NDUFA9: variants seen among roughly 807,000 people sequenced by gnomAD.
NDUFA9 encodes the protein NADH:ubiquinone oxidoreductase subunit A9, also known as NADH dehydrogenase [ubiquinone] 1 alpha subcomplex subunit 9, mitochondrial.
Under a neutral mutation model 45.9 loss-of-function variants are expected in NDUFA9, and 23 were observed. The observed-to-expected ratio is 0.50, with a 90% CI of 0.36 to 0.71. The LOEUF is 0.71. NDUFA9 is among the 30% of genes least tolerant of loss of function. The probability of loss-of-function intolerance (pLI) is 0.00; values close to 1 mark genes in which losing one functional copy is unlikely to be tolerated. For missense variants in NDUFA9, 466 were observed against 488.2 expected, an observed-to-expected ratio of 0.95 and a Z score of 0.43; for synonymous variants, 176 against 170.5, an observed-to-expected ratio of 1.03 and a Z score of -0.25.
intron 2 of NDUFA9, 47 bp downstream of exon 2, chr12:4,654,509 G>T (rs745501996): frequency 6.3e-6 from 10 of 1,589,036 alleles, no homozygotes; most frequent in African/African-American, 5.4e-5. Context: ...CATTGATCAG[G>T]ATTGCCTGAT....
chr12:4,654,983 A>G, intron 3 of NDUFA9, 61 bp downstream of exon 3: 4 of 1,312,814 alleles, frequency 3.0e-6, no homozygotes, highest in South Asian at 2.5e-5. Flanking sequence ...CATTTTTAGG[A>G]GTGATAGGCA....
At chr12:4,685,718 C>T (rs932749278) in intron 10 of NDUFA9, among the ~76,000 whole-genome samples, 1 of 151,394 alleles carries the variant, frequency 6.6e-6, no homozygotes, top group Non-Finnish European at 1.5e-5. Flanking sequence ...CTTTCTTTAA[C>T]CTACTCCAGT....
intron 3 of NDUFA9, among the ~76,000 whole-genome samples, chr12:4,656,487 G>A (rs976239993): frequency 5.9e-5 from 9 of 152,338 alleles, no homozygotes; most frequent in African/African-American, 2.2e-4. Flanking sequence ...ACGTTTGGAT[G>A]ACCAAGACCA....
At chr12:4,684,387 G>A (rs143923793) in intron 9 of NDUFA9, among the ~76,000 whole-genome samples, 23 of 152,306 alleles carry the variant, frequency 1.5e-4, no homozygotes, top group African/African-American at 5.1e-4. Flanking sequence ...AGTGATGGGT[G>A]ATACTCAACG....
Position 4,694,059 on chromosome 12 carries a change from C to A in NDUFA9, c.*6951C>A, listed in dbSNP as rs1292303096. The A allele has an allele frequency of 6.6e-6, 1 of 151,958 alleles. No individual in the cohort carries two copies. The highest frequency in any genetic ancestry group is 1.9e-4 in the East Asian group (1 of 5,196). 9.4% of individuals were successfully genotyped at this position (151,958 alleles called of 1,614,324 possible). ...TGGAATCTAGACTCTGGACAAAGAC[C>A]CTTCCTTCCTGGCTGTTTGATTTTG... On this transcript the variant is annotated 3_prime_UTR_variant, in exon 11 of 11. Coordinates refer to ENST00000266544, the MANE Select transcript of NDUFA9 (RefSeq NM_005002.5).
intron 6 of NDUFA9, among the ~76,000 whole-genome samples, chr12:4,665,242 C>G (rs913046192): frequency 5.9e-5 from 9 of 152,318 alleles, no homozygotes; most frequent in African/African-American, 2.2e-4. Flanking sequence ...AAACAACTCT[C>G]TGTTCCCTCC....
chr12:4,649,899 C>T (rs796579155), intron 1 of NDUFA9, among the ~76,000 whole-genome samples: 32 of 152,334 alleles, frequency 2.1e-4, no homozygotes, highest in African/African-American at 7.2e-4. Context: ...TGAAAACATA[C>T]ATTTGTCCTT....
Position 4,654,330 on chromosome 12 carries a change from G to A in NDUFA9, c.88G>A (p.Gly30Ser), listed in dbSNP as rs529503724. ...TGCAATAGCCACATCTGTGTGTCAC[G>A]GCCCACCCTGTCGCCAGCTTCATCA... ...ITAIATSVCH[G>S]PPCRQLHHAL... The change falls in exon 2 of 11, where the codon GGC becomes AGC. Residue 30 changes from glycine to serine, a missense_variant. Physicochemically the swap from Gly to Ser is moderately conservative, Grantham distance 56 (BLOSUM62 0). Coordinates refer to ENST00000266544, the MANE Select transcript of NDUFA9 (RefSeq NM_005002.5). The A allele has an allele frequency of 8.4e-5, 136 of 1,614,000 alleles. 2 individuals carry two copies. In the South Asian group the frequency reaches 1.3e-3, roughly 16 times the overall value.
chr12:4,666,304 T>C (rs1443357815), intron 6 of NDUFA9, among the ~76,000 whole-genome samples: 1 of 152,224 alleles, frequency 6.6e-6, no homozygotes, highest in Non-Finnish European at 1.5e-5. Context: ...ATCAGATATG[T>C]GATTTGTAAA....
chr12:4,676,819 C>T (rs911517721), intron 8 of NDUFA9, among the ~76,000 whole-genome samples: 14 of 152,090 alleles, frequency 9.2e-5, no homozygotes, highest in Admixed American at 7.9e-4. Flanking sequence ...TCATATGGAA[C>T]CAAAAAAGAG....
In NDUFA9 at chr12:4,690,785, G is replaced by C. The variant is rs1208004211; in HGVS notation, c.*3677G>C. On this transcript the variant is annotated 3_prime_UTR_variant, in exon 11 of 11. Coordinates refer to ENST00000266544, the MANE Select transcript of NDUFA9 (RefSeq NM_005002.5). ...TGGGAATATATGCAAAGATCTCTGAGAAGATAAAGAAAGGTCTCTGGAAGG... is the reference window on the plus strand; with the variant it reads ...TGGGAATATATGCAAAGATCTCTGACAAGATAAAGAAAGGTCTCTGGAAGG... The C allele has an allele frequency of 3.3e-5, 5 of 152,170 alleles. No homozygotes were observed. Among genetic ancestry groups the C allele is most frequent in the African/African-American group, 1.2e-4 (5 of 41,442 alleles). The allele number at this position is 152,170 out of a possible 1,614,324, so 9.4% of individuals were successfully genotyped here.
intron 3 of NDUFA9, chr12:4,655,891 A>C (rs1449879097): frequency 6.6e-6 from 1 of 152,180 alleles, no homozygotes; most frequent in African/African-American, 2.4e-5. Flanking sequence ...TATCCTACGG[A>C]GCACAGGACA....
Position 4,649,137 on chromosome 12 carries a change from C to T in NDUFA9, c.11C>T (p.Ala4Val). MAA[A>V]AQSRVVRVLS... ...GGATTGTGGGAAAAGATGGCGGCTG[C>T]CGCACAATCCCGGGTTGTCCGGGTC... is the stretch of plus-strand genomic sequence containing the variant. Residue 4 changes from alanine (A) to valine (V), a missense_variant, in exon 1 of 11, where the codon GCC becomes GTC. Ala to Val is a moderately conservative substitution (Grantham distance 64). Transcript: ENST00000266544. The T allele has an allele frequency of 1.2e-6, 2 of 1,604,220 alleles. No homozygotes were observed. Among genetic ancestry groups the T allele is most frequent in the Non-Finnish European group, 1.7e-6 (2 of 1,175,676 alleles).
chr12:4,668,557 A>T, intron 7 of NDUFA9, 33 bp downstream of exon 7: 1 of 1,539,726 alleles, frequency 6.5e-7, no homozygotes, highest in African/African-American at 1.4e-5. Flanking sequence ...TCAGAAAGGG[A>T]TTTTTGATGA....
At chr12:4,683,362 A>C (rs994571639) in intron 9 of NDUFA9, among the ~76,000 whole-genome samples, 1 of 152,202 alleles carries the variant, frequency 6.6e-6, no homozygotes, top group Non-Finnish European at 1.5e-5. Context: ...TTGTGCCACA[A>C]ACTGATCTTC....
chr12:4,672,164 AG>A, intron 8 of NDUFA9, among the ~76,000 whole-genome samples: 1 of 152,284 alleles, frequency 6.6e-6, no homozygotes, highest in Middle Eastern at 3.4e-3. Context: ...CTCCTAGCCA[AG>A]GGAAGCCATT....
At chr12:4,649,223 G>C in intron 1 of NDUFA9, 48 bp downstream of exon 1, 2 of 1,573,290 alleles carry the variant, frequency 1.3e-6, no homozygotes, top group Non-Finnish European at 1.7e-6. Context: ...TCCGAGACGG[G>C]GATTTAAGGT....
In NDUFA9 at chr12:4,657,956, G is replaced by A. The variant is rs554902385; in HGVS notation, c.410+117G>A. 7.3e-6 allele frequency: 6 copies of A among 827,032 alleles called. No homozygotes were observed. In the East Asian group the frequency reaches 1.5e-4, roughly 21 times the overall value. 51.2% of individuals were successfully genotyped at this position (827,032 alleles called of 1,614,324 possible). ...AGTGACATTTTCAATTAGTGAATAAGGGTTGGTTGAACAACCACTTGCATA... is the reference window on the plus strand; with the variant it reads ...AGTGACATTTTCAATTAGTGAATAAAGGTTGGTTGAACAACCACTTGCATA... On this transcript the variant is annotated intron_variant, in intron 4 of 10. Coordinates refer to ENST00000266544, the MANE Select transcript of NDUFA9 (RefSeq NM_005002.5).
rs1175848974 is a variant in NDUFA9, at chr12:4,691,428, C to T, written c.*4320C>T. ...GGTAAATTGCCCCATTAGTAAGTAG[C>T]TGAATTGGTTTTCCAACCTGGATCT... On this transcript the variant is annotated 3_prime_UTR_variant, in exon 11 of 11. Coordinates refer to ENST00000266544, the MANE Select transcript of NDUFA9 (RefSeq NM_005002.5). 1.3e-5 allele frequency: 2 copies of T among 152,198 alleles called. No individual in the cohort carries two copies. The highest frequency in any genetic ancestry group is 2.9e-5 in the Non-Finnish European group (2 of 68,046). The allele number at this position is 152,198 out of a possible 1,614,324, so 9.4% of individuals were successfully genotyped here.
Sources: allele counts gnomAD v4.1 joint callset (sites outside exome capture counted in the v4.1 genomes callset), GRCh38; gene constraint gnomAD v4.1.1; transcripts MANE v1.5; gene names NCBI Gene and HGNC (gene_info 2026-07-23, HGNC 2026-07-21).